PRDM5: variants seen among roughly 807,000 people sequenced by gnomAD.
PRDM5 encodes the protein PR domain zinc finger protein 5.
In PRDM5, 56 loss-of-function variants were observed where a neutral mutation model predicts 81.2. The observed-to-expected ratio is 0.69, with a 90% confidence interval of 0.56 to 0.86. The LOEUF (loss-of-function observed/expected upper bound fraction) is 0.86. Among genes scored for constraint, PRDM5 ranks in the 40% least tolerant of loss-of-function variants. The pLI is 0.00. For synonymous variants in PRDM5, 267 were observed against 256.4 expected (o/e 1.04, Z -0.39); for missense variants, 697 against 770.1 (o/e 0.91, Z 1.12).
chr4:120,895,053 T>C (rs917184408), intron 2 of PRDM5, among the ~76,000 whole-genome samples: 12 of 152,240 alleles, frequency 7.9e-5, no homozygotes, highest in Admixed American at 5.2e-4. Flanking sequence ...AGAAAGTGCA[T>C]GTACATGATA....
At chr4:120,868,246 T>C (rs546046752) in intron 2 of PRDM5, among the ~76,000 whole-genome samples, 2 of 152,298 alleles carry the variant, frequency 1.3e-5, no homozygotes, top group African/African-American at 4.8e-5. Context: ...TTAAAAAAAC[T>C]TATTGGAAAA....
chr4:120,714,495 T>C (rs538477400), intron 14 of PRDM5, among the ~76,000 whole-genome samples: 249 of 152,336 alleles, frequency 1.6e-3, no homozygotes, highest in African/African-American at 5.7e-3. Flanking sequence ...TTTATTTGCT[T>C]ATTTCCCAAT....
Position 120,841,415 on chromosome 4 carries a change from G to T in PRDM5, c.300+12003C>A, listed in dbSNP as rs550686564. Among the ~76,000 whole-genome samples the T allele has an allele frequency of 2.0e-5, 3 of 152,202 alleles. No individual in the cohort carries two copies. In the South Asian group the frequency reaches 6.2e-4, roughly 32 times the overall value. ...GATGTAGTACAGTCTTCTTTGAATA[G>T]AAATTTCCCTAGACTACTCAACTTC... On this transcript the variant is annotated intron_variant, in intron 3 of 15. Coordinates refer to ENST00000264808, the MANE Select transcript of PRDM5 (RefSeq NM_018699.4).
intron 13 of PRDM5, among the ~76,000 whole-genome samples, chr4:120,774,717 A>G (rs887909810): frequency 1.3e-5 from 2 of 152,172 alleles, no homozygotes; most frequent in Non-Finnish European, 2.9e-5. Context: ...CTTGACATCA[A>G]AATAACCCAA....
At chr4:120,808,563 A>G (rs1234922918) in intron 8 of PRDM5, among the ~76,000 whole-genome samples, 2 of 152,216 alleles carry the variant, frequency 1.3e-5, no homozygotes, top group East Asian at 3.9e-4. Flanking sequence ...TGGATCCTAC[A>G]CTGGGGTCAC....
At chr4:120,746,755 A>G (rs926400451) in intron 14 of PRDM5, among the ~76,000 whole-genome samples, 3 of 144,208 alleles carry the variant, frequency 2.1e-5, no homozygotes, top group South Asian at 2.2e-4. Context: ...CACCAGTTAC[A>G]ATGGCAATCA....
chr4:120,830,287 T>C (rs920629895), intron 3 of PRDM5, among the ~76,000 whole-genome samples: 3 of 151,990 alleles, frequency 2.0e-5, no homozygotes, highest in Admixed American at 1.3e-4. Flanking sequence ...CACTAACCGA[T>C]GAAATGTGAA....
chr4:120,910,658 C>A (rs1011099937), intron 1 of PRDM5, among the ~76,000 whole-genome samples: 4 of 152,100 alleles, frequency 2.6e-5, no homozygotes, highest in African/African-American at 7.2e-5. Context: ...ATATATAATT[C>A]TTTTTCTTTT....
intron 13 of PRDM5, among the ~76,000 whole-genome samples, chr4:120,761,020 T>C (rs1745529820): frequency 6.6e-6 from 1 of 152,210 alleles, no homozygotes; most frequent in Non-Finnish European, 1.5e-5. Flanking sequence ...ACTGAATAAA[T>C]GCAGTTCCTT....
At chr4:120,839,304 C>G in intron 3 of PRDM5, 1 of 703,006 alleles carries the variant, frequency 1.4e-6, no homozygotes, top group East Asian at 2.7e-5. Context: ...GGTATACAAA[C>G]AAGTAGAAGG....
intron 2 of PRDM5, among the ~76,000 whole-genome samples, chr4:120,906,763 T>C (rs1184433210): frequency 5.9e-5 from 9 of 152,180 alleles, no homozygotes; most frequent in African/African-American, 2.2e-4. Context: ...GTAAAGTACA[T>C]TTTAAGGCGG....
At chr4:120,791,015 A>G (rs1216364119) in intron 10 of PRDM5, among the ~76,000 whole-genome samples, 2 of 152,204 alleles carry the variant, frequency 1.3e-5, no homozygotes, top group Non-Finnish European at 2.9e-5. Context: ...AATGAGAATC[A>G]CTTTTTAATT....
intron 13 of PRDM5, among the ~76,000 whole-genome samples, chr4:120,771,709 T>C (rs920845101): frequency 6.6e-6 from 1 of 152,112 alleles, no homozygotes; most frequent in South Asian, 2.1e-4. Context: ...GGGAAAGGTA[T>C]TGAACATGAA....
At chr4:120,900,164 C>T (rs1171637254) in intron 2 of PRDM5, among the ~76,000 whole-genome samples, 1 of 152,118 alleles carries the variant, frequency 6.6e-6, no homozygotes, top group Non-Finnish European at 1.5e-5. Flanking sequence ...AGCTTCATTA[C>T]TAGGCATGAC....
At chr4:120,749,589 C>T (rs990531152) in intron 14 of PRDM5, among the ~76,000 whole-genome samples, 8 of 152,172 alleles carry the variant, frequency 5.3e-5, no homozygotes, top group African/African-American at 1.7e-4. Flanking sequence ...CACAGACCTG[C>T]CTCACACAGG....
At chr4:120,798,565 A>T in intron 9 of PRDM5, 141 bp from the exon 10 acceptor site, 1 of 671,772 alleles carries the variant, frequency 1.5e-6, no homozygotes, top group Admixed American at 2.9e-5. Flanking sequence ...TACCATCCAC[A>T]TAATAGACAC....
chr4:120,742,143 T>C (rs762419595), intron 14 of PRDM5, among the ~76,000 whole-genome samples: 4 of 152,214 alleles, frequency 2.6e-5, no homozygotes, highest in Non-Finnish European at 5.9e-5. Flanking sequence ...GCAGCCTAAC[T>C]GGGAGGCACC....
chr4:120,755,197 C>G (rs1048101252), intron 13 of PRDM5, among the ~76,000 whole-genome samples: 2 of 152,158 alleles, frequency 1.3e-5, no homozygotes, highest in African/African-American at 4.8e-5. Context: ...AATCAAATAT[C>G]TCTCACCTAG....
At chr4:120,879,756 G>A (rs375023472) in intron 2 of PRDM5, among the ~76,000 whole-genome samples, 1 of 151,988 alleles carries the variant, frequency 6.6e-6, no homozygotes, top group Admixed American at 6.6e-5. Context: ...ACAGCACAGG[G>A]TTCAGTGCCC....
Sources: gnomAD v4.1 joint callset for allele counts (sites outside exome capture counted in the v4.1 genomes callset) on GRCh38, gnomAD v4.1.1 for gene constraint, MANE v1.5 for transcripts, NCBI Gene and HGNC (gene_info 2026-07-23, HGNC 2026-07-21) for gene names.